ANO1: variants seen among roughly 807,000 people sequenced by gnomAD.
The protein encoded by ANO1 is anoctamin-1.
In ANO1, 59 loss-of-function variants were observed where a neutral mutation model predicts 124.0. That is an observed-to-expected ratio of 0.48 (90% CI 0.39 to 0.59). The LOEUF (loss-of-function observed/expected upper bound fraction) is 0.59, where lower values mean the gene tolerates loss of function less well. Among genes scored for constraint, ANO1 ranks in the 20% least tolerant of loss-of-function variants. ANO1 has a pLI of 0.00. For synonymous variants in ANO1, 529 were observed against 532.0 expected (o/e 0.99, Z 0.08); for missense variants, 1,059 against 1,328.0 (o/e 0.80, Z 3.15).
the ANO1 span, among the ~76,000 whole-genome samples, chr11:69,967,887 T>G: frequency 2.6e-5 from 4 of 152,146 alleles, no homozygotes; most frequent in African/African-American, 4.8e-5. Flanking sequence ...TTCACTCCCC[T>G]CTCTGGGCCT....
chr11:70,158,543 A>ACCATGTAGT lies in ANO1; in HGVS notation c.1578+1524_1578+1532dup, dbSNP rs2047914087. 2.6e-5 allele frequency among the ~76,000 whole-genome samples: 4 copies of ACCATGTAGT among 152,376 alleles called. No homozygotes were observed. In the South Asian group the frequency reaches 8.3e-4, roughly 32 times the overall value. On this transcript the variant is annotated intron_variant, in intron 16 of 25. Transcript: ENST00000355303. ...CCAGCCAGAGGTGGTGGCTGTGGTC[A>ACCATGTAGT]CCATGTAGTCACTGGCATATGCCTG...
chr11:70,098,306 A>C (rs1206306013), intron 2 of ANO1, among the ~76,000 whole-genome samples: 1 of 152,090 alleles, frequency 6.6e-6, no homozygotes, highest in African/African-American at 2.4e-5. Flanking sequence ...CCCAAACCCC[A>C]CCAACGATGA....
chr11:70,167,960 C>T (rs1190488677), intron 21 of ANO1, among the ~76,000 whole-genome samples: 3 of 152,204 alleles, frequency 2.0e-5, no homozygotes, highest in African/African-American at 7.2e-5. Context: ...GGAGCCACGA[C>T]TTGCTCACCT....
intron 1 of ANO1, among the ~76,000 whole-genome samples, chr11:70,007,159 C>T (rs1856507741): frequency 6.6e-6 from 1 of 152,078 alleles, no homozygotes; most frequent in Non-Finnish European, 1.5e-5. Flanking sequence ...TTTTAGATAC[C>T]CCATATGAGT....
chr11:70,099,230 T>C (rs533677425), intron 2 of ANO1, among the ~76,000 whole-genome samples: 2 of 152,338 alleles, frequency 1.3e-5, no homozygotes, highest in Admixed American at 6.5e-5. Context: ...TCCCAGTGTC[T>C]TCCTGCTGGG....
At chr11:70,104,205 C>G in intron 4 of ANO1, 55 bp downstream of exon 4, 1 of 1,533,370 alleles carries the variant, frequency 6.5e-7, no homozygotes, top group Non-Finnish European at 8.8e-7. Flanking sequence ...GGGGATTTAA[C>G]CTTCTAGCAT....
chr11:70,167,558 C>T (rs1367162677), intron 21 of ANO1, among the ~76,000 whole-genome samples, 171 bp downstream of exon 21: 3 of 152,184 alleles, frequency 2.0e-5, no homozygotes, highest in Non-Finnish European at 2.9e-5. Context: ...GATCCTAGTG[C>T]TGCCACCCCC....
chr11:70,098,131 C>G (rs78467058), intron 2 of ANO1, among the ~76,000 whole-genome samples: 1 of 152,176 alleles, frequency 6.6e-6, no homozygotes, highest in Non-Finnish European at 1.5e-5. Flanking sequence ...ACAGCAGCCC[C>G]GCGTCCTCGT....
At chr11:69,981,661 C>T (rs1855960767), upstream of ANO1, among the ~76,000 whole-genome samples, 1 of 152,224 alleles carries the variant, frequency 6.6e-6, no homozygotes, top group South Asian at 2.1e-4. Context: ...CAGCAGCTGC[C>T]TCCAGCCCTC....
intron 11 of ANO1, among the ~76,000 whole-genome samples, chr11:70,136,051 G>C (rs764614346): frequency 2.6e-5 from 4 of 152,216 alleles, no homozygotes; most frequent in Non-Finnish European, 5.9e-5. Flanking sequence ...CTGCTGCAAG[G>C]TCGTCCTTTG....
At chr11:70,142,945 C>T (rs73530027) in intron 11 of ANO1, among the ~76,000 whole-genome samples, 5,803 of 152,262 alleles carry the variant, frequency 0.038, 365 homozygotes, top group African/African-American at 0.13. Context: ...CCCAAAGGCC[C>T]CATCTTCAAA....
At chr11:69,984,070 T>C (rs1209088962), upstream of ANO1, among the ~76,000 whole-genome samples, 1 of 152,158 alleles carries the variant, frequency 6.6e-6, no homozygotes, top group Non-Finnish European at 1.5e-5. Flanking sequence ...ATTCCAAGGG[T>C]AAGAATTCTA....
chr11:70,028,206 C>A (rs1565164291), intron 1 of ANO1, among the ~76,000 whole-genome samples: 2 of 152,212 alleles, frequency 1.3e-5, no homozygotes, highest in Non-Finnish European at 1.5e-5. Flanking sequence ...GCCCTACTAA[C>A]TGTTGATAAT....
intron 11 of ANO1, among the ~76,000 whole-genome samples, chr11:70,140,279 C>T (rs901394297): frequency 6.6e-6 from 1 of 152,168 alleles, no homozygotes; most frequent in Non-Finnish European, 1.5e-5. Context: ...TCTGTAATCT[C>T]AGCACTTTGG....
At chr11:70,028,321 T>G (rs1555003426) in intron 1 of ANO1, among the ~76,000 whole-genome samples, 1 of 152,088 alleles carries the variant, frequency 6.6e-6, no homozygotes, top group African/African-American at 2.4e-5. Context: ...GAGCTAAGGG[T>G]AAGGGCAGGT....
intron 1 of ANO1, among the ~76,000 whole-genome samples, chr11:70,046,291 G>A (rs1429768311): frequency 6.6e-6 from 1 of 152,090 alleles, no homozygotes; most frequent in African/African-American, 2.4e-5. Flanking sequence ...GCATGCCAGG[G>A]CAAGATGGCA....
chr11:70,075,944 T>C (rs1259271756), upstream of ANO1, among the ~76,000 whole-genome samples: 2 of 152,220 alleles, frequency 1.3e-5, no homozygotes, highest in African/African-American at 4.8e-5. Flanking sequence ...TGTTTTTACT[T>C]TGTGTCGGTC....
Position 70,172,134 on chromosome 11 carries a change from AAAG to A in ANO1, c.2350+1098_2350+1100del, listed in dbSNP as rs1485505585. On this transcript the variant is annotated intron_variant, in intron 22 of 25. Coordinates refer to ENST00000355303, the MANE Select transcript of ANO1 (RefSeq NM_018043.7). ...GAACCTGTCTTAAAAAAAAAAAAAA[AAAG>A]AAAAGAAAAGAAAAGAAAAAGAGTA... is the stretch of plus-strand genomic sequence containing the variant. Among the ~76,000 whole-genome samples, 240 of 142,562 alleles carry A rather than the reference AAAG, an allele frequency of 1.7e-3. 2 individuals carry two copies. The highest frequency in any genetic ancestry group is 2.3e-3 in the Admixed American group (33 of 14,540). The allele number at this position is 142,562 out of a possible 152,430, so 93.5% of individuals were successfully genotyped here.
chr11:70,097,543 G>A (rs1028123291), intron 2 of ANO1, among the ~76,000 whole-genome samples: 1 of 152,164 alleles, frequency 6.6e-6, no homozygotes, highest in Non-Finnish European at 1.5e-5. Context: ...GGAGCCGTGC[G>A]GGTGGAGGGT....
Sources: allele counts gnomAD v4.1 joint callset (sites outside exome capture counted in the v4.1 genomes callset), GRCh38; gene constraint gnomAD v4.1.1; transcripts MANE v1.5; gene names NCBI Gene and HGNC (gene_info 2026-07-23, HGNC 2026-07-21).